The following GIGYF2 variants were observed in gnomAD, a reference collection of about 807,000 sequenced individuals.
GIGYF2 encodes the protein GRB10-interacting GYF protein 2.
In GIGYF2, 25 loss-of-function variants were observed where a neutral mutation model predicts 208.1. That is an observed-to-expected ratio of 0.12 (90% CI 0.09 to 0.17). The LOEUF (loss-of-function observed/expected upper bound fraction) is 0.17, where lower values mean the gene tolerates loss of function less well. Among genes scored for constraint, GIGYF2 ranks in the 10% least tolerant of loss-of-function variants. GIGYF2 has a pLI of 1.00. For synonymous variants in GIGYF2, 534 were observed against 543.8 expected (o/e 0.98, Z 0.25); for missense variants, 1,302 against 1,579.4 (o/e 0.82, Z 2.98).
chr2:232,847,166 G>GT (rs1234817104), intron 26 of GIGYF2, among the ~76,000 whole-genome samples, 182 bp from the exon 27 acceptor site: 3 of 151,956 alleles, frequency 2.0e-5, no homozygotes, highest in East Asian at 1.9e-4. Flanking sequence ...TGATTATAGT[G>GT]TTTTTTTCAT....
intron 9 of GIGYF2, 29 bp downstream of exon 9, chr2:232,787,358 A>C: frequency 6.3e-7 from 1 of 1,588,532 alleles, no homozygotes; most frequent in South Asian, 1.1e-5. Context: ...AAAGGCACAC[A>C]GGGACTGAAA....
intron 2 of GIGYF2, chr2:232,705,407 T>A (rs1053952909): frequency 1.3e-5 from 2 of 151,806 alleles, no homozygotes; most frequent in African/African-American, 4.9e-5. Flanking sequence ...GTATTTATTT[T>A]TATTTTTTTA....
chr2:232,803,685 T>C (rs1312552921), intron 14 of GIGYF2, among the ~76,000 whole-genome samples: 1 of 17,682 alleles, frequency 5.7e-5, no homozygotes, highest in African/African-American at 4.0e-4. Context: ...TTTTTTTTTT[T>C]TTTTTTTTTT....
chr2:232,756,094 A>G (rs1698525267), intron 5 of GIGYF2, 129 bp from the exon 6 acceptor site: 1 of 620,808 alleles, frequency 1.6e-6, no homozygotes, highest in South Asian at 2.0e-5. Context: ...CATTGCTAGT[A>G]GTAATTAGAT....
chr2:232,737,228 C>A (rs1333036792), intron 3 of GIGYF2, among the ~76,000 whole-genome samples: 1 of 152,196 alleles, frequency 6.6e-6, no homozygotes, highest in Non-Finnish European at 1.5e-5. Flanking sequence ...TATTGAGCAT[C>A]TTTCAATAGT....
At chr2:232,846,005 T>C (rs969931976) in intron 26 of GIGYF2, 119 bp downstream of exon 26, 1 of 719,306 alleles carries the variant, frequency 1.4e-6, no homozygotes, top group African/African-American at 1.8e-5. Flanking sequence ...GGTCAACTGC[T>C]GCACCTGCCA....
intron 5 of GIGYF2, among the ~76,000 whole-genome samples, chr2:232,755,135 A>G (rs776379469): frequency 1.1e-4 from 16 of 152,140 alleles, no homozygotes; most frequent in Non-Finnish European, 2.1e-4. Flanking sequence ...GGACTAAAAT[A>G]TTAGTTGAAT....
At chr2:232,822,630 G>A (rs1001103536) in intron 21 of GIGYF2, among the ~76,000 whole-genome samples, 5 of 152,120 alleles carry the variant, frequency 3.3e-5, no homozygotes, top group Middle Eastern at 3.4e-3. Flanking sequence ...GCAGTGACCC[G>A]AGGCACCCCT....
chr2:232,777,577 TAGAA>T (rs1453907578), intron 8 of GIGYF2, among the ~76,000 whole-genome samples: 2 of 152,110 alleles, frequency 1.3e-5, no homozygotes, highest in East Asian at 3.9e-4. Flanking sequence ...TAATGCTACT[TAGAA>T]AGTGAAATCC....
chr2:232,797,488 CTTGT>C (rs755404941), intron 14 of GIGYF2, among the ~76,000 whole-genome samples: 730 of 49,220 alleles, frequency 0.015, 3 homozygotes, highest in South Asian at 0.02. Context: ...GAGAGCAGGG[CTTGT>C]GTGTGTGTGT....
chr2:232,846,339 A>G (rs1702003438), intron 26 of GIGYF2, among the ~76,000 whole-genome samples: 1 of 152,226 alleles, frequency 6.6e-6, no homozygotes, highest in South Asian at 2.1e-4. Flanking sequence ...TTTGTGTAAG[A>G]TAAAACTAGG....
chr2:232,751,539 G>A (rs1698338196), intron 5 of GIGYF2, among the ~76,000 whole-genome samples: 1 of 151,942 alleles, frequency 6.6e-6, no homozygotes, highest in South Asian at 2.1e-4. Context: ...TAAATAAAAA[G>A]GCTAATTTTA....
chr2:232,750,098 T>C (rs927359006), intron 5 of GIGYF2, among the ~76,000 whole-genome samples: 4 of 151,736 alleles, frequency 2.6e-5, no homozygotes, highest in African/African-American at 9.7e-5. Context: ...GGCAGGAGAA[T>C]CGCTTGAACT....
At chr2:232,842,982 A>T (rs868376294) in intron 23 of GIGYF2, 1 of 152,164 alleles carries the variant, frequency 6.6e-6, no homozygotes, top group Non-Finnish European at 1.5e-5. Context: ...CAGCACCTCC[A>T]GTTCCTGAGC....
At chr2:232,782,844 A>C (rs990856293) in intron 8 of GIGYF2, 1 of 152,216 alleles carries the variant, frequency 6.6e-6, no homozygotes, top group Non-Finnish European at 1.5e-5. Context: ...AGAAATTAGG[A>C]TAGTGTTTAT....
chr2:232,798,245 T>C (rs1487903260), intron 14 of GIGYF2, among the ~76,000 whole-genome samples: 2 of 152,238 alleles, frequency 1.3e-5, no homozygotes, highest in African/African-American at 4.8e-5. Context: ...GTAGCTTGTG[T>C]CTTTTTATTC....
chr2:232,763,604 C>T (rs1294316874), intron 8 of GIGYF2, among the ~76,000 whole-genome samples: 5 of 151,992 alleles, frequency 3.3e-5, no homozygotes, highest in African/African-American at 7.2e-5. Context: ...GTTGGCAGAT[C>T]ACGTGAGGTC....
rs986018917 is a variant in GIGYF2 at position 232,738,915 on chromosome 2, A to G, written c.41+3677A>G. Reference sequence around the variant, plus strand: ...CATCTCCTGTGTGTTTGCTCTTGACAAAACACTAAGCACCGTCTTGATAAT... The same window carrying G: ...CATCTCCTGTGTGTTTGCTCTTGACGAAACACTAAGCACCGTCTTGATAAT... On this transcript the variant is annotated intron_variant, in intron 3 of 28. Transcript: ENST00000373563. Among the ~76,000 whole-genome samples, 3 of 152,354 alleles carry G rather than the reference A, an allele frequency of 2.0e-5. No homozygotes were observed. In the South Asian group the frequency reaches 6.2e-4, roughly 32 times the overall value.
At chr2:232,741,411 GC>G (rs1439420072) in intron 3 of GIGYF2, among the ~76,000 whole-genome samples, 2 of 151,030 alleles carry the variant, frequency 1.3e-5, no homozygotes, top group African/African-American at 4.9e-5. Flanking sequence ...TGCACCAGTG[GC>G]CTACTGATGT....
Sources: allele counts gnomAD v4.1 joint callset (sites outside exome capture counted in the v4.1 genomes callset), GRCh38; gene constraint gnomAD v4.1.1; transcripts MANE v1.5; gene names NCBI Gene and HGNC (gene_info 2026-07-23, HGNC 2026-07-21).